ATP2C2: variants seen among roughly 807,000 people sequenced by gnomAD.
The protein encoded by ATP2C2 is calcium-transporting ATPase type 2C member 2.
Under a neutral mutation model 110.8 loss-of-function variants are expected in ATP2C2, and 171 were observed. The observed-to-expected ratio is 1.54, with a 90% CI of 1.36 to 1.75. The LOEUF is 1.75. Ranked by LOEUF, ATP2C2 falls within the 40% of genes most tolerant of loss-of-function variation. ATP2C2 has a pLI of 0.00. For synonymous variants in ATP2C2, 804 were observed against 508.4 expected (o/e 1.58, Z -7.82); for missense variants, 1,963 against 1,235.0 (o/e 1.59, Z -8.84).
chr16:84,406,170 G>A (rs1186180818), intron 3 of ATP2C2, among the ~76,000 whole-genome samples: 4 of 152,162 alleles, frequency 2.6e-5, no homozygotes, highest in Admixed American at 2.0e-4. Context: ...TGCTGCCATC[G>A]GTGCTGGCGC....
intron 11 of ATP2C2, among the ~76,000 whole-genome samples, chr16:84,434,387 G>C (rs1262174425): frequency 6.6e-6 from 1 of 151,882 alleles, no homozygotes; most frequent in African/African-American, 2.4e-5. Flanking sequence ...CTGCACTCCA[G>C]CCTGGTGACA....
In ATP2C2 at chr16:84,459,148, T is replaced by C. The variant is rs1910989340; in HGVS notation, c.2176T>C (p.Phe726Leu). Residue 726 changes from phenylalanine (F) to leucine (L), a missense_variant, in exon 22 of 27, where the codon TTT becomes CTT. Coordinates refer to ENST00000262429, the MANE Select transcript of ATP2C2 (RefSeq NM_014861.4). ...TGCAGTGGAGGAAGGCAAGGGTATT[T>C]TTTACAACATCAAAAACTTTGTCCG... ...MNAVEEGKGIFYNIKNFVRFQ... is the reference protein window; with the variant it reads ...MNAVEEGKGILYNIKNFVRFQ... The C allele has an allele frequency of 1.2e-6, 2 of 1,614,162 alleles. No individual in the cohort carries two copies. The highest frequency in any genetic ancestry group is 2.7e-5 in the African/African-American group (2 of 75,062).
chr16:84,413,459 C>T (rs1205735130), intron 6 of ATP2C2, among the ~76,000 whole-genome samples: 4 of 152,116 alleles, frequency 2.6e-5, no homozygotes, highest in South Asian at 4.1e-4. Flanking sequence ...AGAAGGGCCG[C>T]GGGAGCAGTA....
chr16:84,411,167 A>G (rs1351732935), intron 6 of ATP2C2, among the ~76,000 whole-genome samples: 2 of 152,174 alleles, frequency 1.3e-5, no homozygotes, highest in Admixed American at 1.3e-4. Context: ...GGTCTTTAAC[A>G]AGCAGAGCCA....
intron 1 of ATP2C2, among the ~76,000 whole-genome samples, chr16:84,383,238 G>A (rs983481773): frequency 6.6e-6 from 1 of 152,232 alleles, no homozygotes; most frequent in Non-Finnish European, 1.5e-5. Context: ...AGGCCCAGCT[G>A]TGTGTCTAGA....
chr16:84,463,555 C>T, intron 26 of ATP2C2, 59 bp from the exon 27 acceptor site: 3 of 1,469,014 alleles, frequency 2.0e-6, no homozygotes, highest in Admixed American at 1.7e-5. Flanking sequence ...AAGGCGCTTC[C>T]TGCCGGCGCA....
At chr16:84,452,674 A>G (rs190320573) in intron 18 of ATP2C2, among the ~76,000 whole-genome samples, 55 of 151,686 alleles carry the variant, frequency 3.6e-4, no homozygotes, top group Middle Eastern at 6.9e-3. Context: ...AATTTTTTGT[A>G]TTTTAGTAGA....
intron 1 of ATP2C2, among the ~76,000 whole-genome samples, chr16:84,376,184 A>G (rs1910238914): frequency 6.6e-6 from 1 of 152,192 alleles, no homozygotes; most frequent in Admixed American, 6.5e-5. Flanking sequence ...GGGTCAGCAC[A>G]TTTGAAACTT....
chr16:84,405,311 A>G (rs1905666127), intron 3 of ATP2C2, 67 bp downstream of exon 3: 5 of 1,369,960 alleles, frequency 3.6e-6, no homozygotes, highest in East Asian at 2.3e-5. Context: ...CAGCCATTCC[A>G]TCTTTCAATG....
At chr16:84,398,350 G>A (rs143328571) in intron 1 of ATP2C2, 149 bp from the exon 2 acceptor site, 16,241 of 380,666 alleles carry the variant, frequency 0.043, 523 homozygotes, top group Admixed American at 0.093. Context: ...AGGTTGTGGT[G>A]AGCTGAGATC....
intron 23 of ATP2C2, chr16:84,459,724 A>C (rs187376794): frequency 6.8e-6 from 5 of 737,390 alleles, no homozygotes; most frequent in Non-Finnish European, 8.9e-6. Context: ...CTCCCACTCA[A>C]TCCCCTCACC....
At position 84,452,078 on chromosome 16, in the gene ATP2C2, G is replaced by C. The variant is rs777846440; in HGVS notation, c.1818G>C (p.Thr606=). Residue 606 remains threonine, a synonymous_variant, in exon 18 of 27, where the codon ACG becomes ACC. Transcript: ENST00000262429. ...TGATAACGGGGGATGCCCTGGAGACGGCCTTGGCCATAGGTAACTGGGACA... is the reference window on the plus strand; with the variant it reads ...TGATAACGGGGGATGCCCTGGAGACCGCCTTGGCCATAGGTAACTGGGACA... ...VKMITGDALE[T]ALAIGRNIGL... is the part of the protein sequence containing the mutation. 1 of 1,613,880 alleles carries C rather than the reference G, an allele frequency of 6.2e-7. No individual in the cohort carries two copies. Among genetic ancestry groups the C allele is most frequent in the East Asian group, 2.2e-5 (1 of 44,880 alleles).
intron 11 of ATP2C2, among the ~76,000 whole-genome samples, chr16:84,427,108 T>C (rs1050557516): frequency 3.3e-5 from 5 of 152,174 alleles, no homozygotes; most frequent in Admixed American, 1.3e-4. Flanking sequence ...GTCAGGCCCA[T>C]TGGTTCCCAG....
rs758363847 is a variant in ATP2C2 at position 84,463,657 on chromosome 16, G to A, written c.2766G>A (p.Leu922=). 1.2e-6 allele frequency: 2 copies of A among 1,614,174 alleles called. No individual in the cohort carries two copies. Among genetic ancestry groups the A allele is most frequent in the South Asian group, 2.2e-5 (2 of 91,088 alleles). Residue 922 remains leucine, a synonymous_variant, in exon 27 of 27, where the codon TTG becomes TTA. Coordinates refer to ENST00000262429, the MANE Select transcript of ATP2C2 (RefSeq NM_014861.4). ...GATTGGCCTCATCCGTCTTCATTTT[G>A]TCAGAGCTCCTCAAACTATGTGAAA... is the stretch of plus-strand genomic sequence containing the variant. ...LTGLASSVFI[L]SELLKLCEKY... is the part of the protein sequence containing the mutation.
At chr16:84,393,104 AAGTG>A (rs1395858358) in intron 1 of ATP2C2, among the ~76,000 whole-genome samples, 2 of 152,172 alleles carry the variant, frequency 1.3e-5, no homozygotes, top group Non-Finnish European at 2.9e-5. Flanking sequence ...TGGAGAGAAG[AAGTG>A]AGTGTGTGTT....
chr16:84,439,585 A>C, intron 13 of ATP2C2, 61 bp downstream of exon 13: 1 of 1,455,084 alleles, frequency 6.9e-7, no homozygotes, highest in African/African-American at 1.4e-5. Flanking sequence ...TCTCCTTTCT[A>C]AACTAAGCAC....
intron 7 of ATP2C2, among the ~76,000 whole-genome samples, chr16:84,418,409 C>G (rs112307804): frequency 0.012 from 1,837 of 152,270 alleles, 42 homozygotes; most frequent in African/African-American, 0.041. Context: ...CCACACACAA[C>G]CACCTTCACT....
Position 84,459,321 on chromosome 16 carries a change from C to G in ATP2C2, c.2268C>G (p.Pro756=). 6.2e-7 allele frequency: 1 copy of G among 1,614,210 alleles called. No individual in the cohort carries two copies. Among genetic ancestry groups the G allele is most frequent in the Non-Finnish European group, 8.5e-7 (1 of 1,180,034 alleles). The change falls in exon 23 of 27, where the codon CCC becomes CCG. Residue 756 remains proline (P), a synonymous_variant. Transcript: ENST00000262429. ...LITLSTVFNL[P]SPLNAMQILW... is the part of the protein sequence containing the mutation. ...CTCTGTCCACCGTGTTCAACCTGCC[C>G]AGCCCCCTCAACGCCATGCAGATCC...
intron 1 of ATP2C2, among the ~76,000 whole-genome samples, chr16:84,386,709 A>T (rs1904335745): frequency 6.6e-6 from 1 of 152,144 alleles, no homozygotes; most frequent in South Asian, 2.1e-4. Context: ...CCTGAGGCTG[A>T]AATTTCAGAA....
Sources: allele counts gnomAD v4.1 joint callset (sites outside exome capture counted in the v4.1 genomes callset), GRCh38; gene constraint gnomAD v4.1.1; transcripts MANE v1.5; gene names NCBI Gene and HGNC (gene_info 2026-07-23, HGNC 2026-07-21).